The following ECM2 variants were observed in gnomAD, a reference collection of about 807,000 sequenced individuals.
The protein encoded by ECM2 is extracellular matrix protein 2, female organ and adipocyte specific.
In ECM2, 57 loss-of-function variants were observed where a neutral mutation model predicts 67.5. The observed-to-expected ratio is 0.84, with a 90% CI of 0.68 to 1.05. ECM2 has a LOEUF of 1.05. Ranked by LOEUF, ECM2 falls within the 50% of genes least tolerant of loss-of-function variation. ECM2 has a pLI of 0.00. For missense variants in ECM2, 741 were observed against 822.8 expected, an observed-to-expected ratio of 0.90 and a Z score of 1.22; for synonymous variants, 258 against 294.5, an observed-to-expected ratio of 0.88 and a Z score of 1.27.
intron 6 of ECM2, among the ~76,000 whole-genome samples, chr9:92,507,001 G>C (rs959040498): frequency 6.6e-6 from 1 of 152,118 alleles, no homozygotes; most frequent in African/African-American, 2.4e-5. Context: ...TCCGCCTCCC[G>C]GGTTCAAGCA....
intron 1 of ECM2, among the ~76,000 whole-genome samples, chr9:92,532,112 C>A (rs969123209): frequency 6.9e-6 from 1 of 145,792 alleles, no homozygotes; most frequent in African/African-American, 2.6e-5. Context: ...CCACCTGACT[C>A]AACCTTTCGA....
In ECM2 at chr9:92,495,617, AAT is replaced by A; in HGVS notation, c.*696_*697del. On this transcript the variant is annotated 3_prime_UTR_variant, in exon 10 of 10. Transcript: ENST00000344604. ...AATATACTGTTTAACTTTAAAAAATAATTTTAGAATTATAGAAAAGTTTCAAA... is the reference window on the plus strand; with the variant it reads ...AATATACTGTTTAACTTTAAAAAATATTTAGAATTATAGAAAAGTTTCAAA... 1 of 955,038 alleles carries A rather than the reference AAT, an allele frequency of 1.0e-6. No homozygotes were observed. 59.2% of individuals were successfully genotyped at this position (955,038 alleles called of 1,614,324 possible).
At chr9:92,555,757 G>A in the ECM2 span, among the ~76,000 whole-genome samples, 2 of 152,234 alleles carry the variant, frequency 1.3e-5, no homozygotes, top group African/African-American at 4.8e-5. Context: ...GTTTCTTAGT[G>A]AAGTTATTTG....
chr9:92,500,648 A>G (rs1023244674), intron 9 of ECM2, 79 bp downstream of exon 9: 17 of 1,380,498 alleles, frequency 1.2e-5, no homozygotes, highest in Non-Finnish European at 1.2e-5. Flanking sequence ...CGTAAATCCC[A>G]GAGATCATGT....
At chr9:92,507,669 A>C (rs976075082) in intron 6 of ECM2, among the ~76,000 whole-genome samples, 1 of 152,192 alleles carries the variant, frequency 6.6e-6, no homozygotes, top group Non-Finnish European at 1.5e-5. Flanking sequence ...ATGGTCATCC[A>C]CTAGAGCAGC....
chr9:92,513,169 A>G (rs1039419786), intron 4 of ECM2, among the ~76,000 whole-genome samples: 8 of 152,174 alleles, frequency 5.3e-5, no homozygotes, highest in Non-Finnish European at 1.2e-4. Flanking sequence ...TGTCCCCACC[A>G]GCCAGCCTCT....
rs1049670982 is a variant in ECM2 at position 92,496,222 on chromosome 9, A to G, written c.*93T>C. On this transcript the variant is annotated 3_prime_UTR_variant, in exon 10 of 10. Transcript: ENST00000344604. Reference sequence around the variant, plus strand: ...TGACTAGCATATAATGATACTGAGTATAACAGGAGGATTATGTCTCTCTTA... The same window carrying G: ...TGACTAGCATATAATGATACTGAGTGTAACAGGAGGATTATGTCTCTCTTA... 4.7e-6 allele frequency: 7 copies of G among 1,481,932 alleles called. No individual in the cohort carries two copies. The African/African-American group carries it at 7.1e-5, about 15-fold the overall frequency. The allele number at this position is 1,481,932 out of a possible 1,614,324, so 91.8% of individuals were successfully genotyped here.
rs199745267 is a variant in ECM2 at position 92,505,631 on chromosome 9, T to G, written c.1366A>C (p.Asn456His). 2 of 1,609,360 alleles carry G rather than the reference T, an allele frequency of 1.2e-6. No individual in the cohort carries two copies. Among genetic ancestry groups the G allele is most frequent in the Non-Finnish European group, 1.7e-6 (2 of 1,178,706 alleles). The change falls in exon 7 of 10, where the codon AAT becomes CAT. Residue 456 changes from asparagine to histidine, a missense_variant. Physicochemically the swap from Asn to His is moderately conservative, Grantham distance 68. Coordinates refer to ENST00000344604, the MANE Select transcript of ECM2 (RefSeq NM_001393.4). ...TTCAAAGGTTTGAAAGCTAAAGGAT[T>G]GACATTGGCTTCACTGAGATTGTTT... Reference protein sequence around the residue: ...EGNNLSEANVNPLAFKPLKSL... With the variant: ...EGNNLSEANVHPLAFKPLKSL...
chr9:92,502,241 C>A (rs368651072), intron 8 of ECM2, among the ~76,000 whole-genome samples: 1 of 152,150 alleles, frequency 6.6e-6, no homozygotes, highest in Admixed American at 6.5e-5. Context: ...CAGCACTTGG[C>A]ATATGATAGG....
intron 1 of ECM2, among the ~76,000 whole-genome samples, chr9:92,531,490 A>G (rs148880249): frequency 6.6e-6 from 1 of 152,292 alleles, no homozygotes; most frequent in East Asian, 1.9e-4. Flanking sequence ...GTTTATTTAG[A>G]TCAGATTTTT....
intron 4 of ECM2, among the ~76,000 whole-genome samples, chr9:92,513,211 G>A (rs986107012): frequency 6.6e-6 from 1 of 152,280 alleles, no homozygotes; most frequent in Non-Finnish European, 1.5e-5. Context: ...TCCACTCAGA[G>A]CCCTCCCTGG....
At chr9:92,505,444 A>G in intron 7 of ECM2, 89 bp downstream of exon 7, 1 of 1,160,132 alleles carries the variant, frequency 8.6e-7, no homozygotes, top group Non-Finnish European at 1.2e-6. Flanking sequence ...AGTTTAATTT[A>G]CATCACAATA....
At chr9:92,533,210 G>T (rs331374) in intron 1 of ECM2, among the ~76,000 whole-genome samples, 1,946 of 144,010 alleles carry the variant, frequency 0.014, 26 homozygotes, top group Non-Finnish European at 0.021. Flanking sequence ...TGAGGCAGGA[G>T]AATCACTTGA....
At position 92,495,546 on chromosome 9, in the gene ECM2, TC is replaced by T. The variant is rs1290684894; in HGVS notation, c.*768del. 5.1e-6 allele frequency: 5 copies of T among 980,736 alleles called. No homozygotes were observed. Among genetic ancestry groups the T allele is most frequent in the Non-Finnish European group, 6.1e-6 (5 of 825,686 alleles). 60.8% of individuals were successfully genotyped at this position (980,736 alleles called of 1,614,324 possible). A position where few individuals can be genotyped will look rare whatever the true frequency, so the allele number is the denominator to read the frequency against. On this transcript the variant is annotated 3_prime_UTR_variant, in exon 10 of 10. Coordinates refer to ENST00000344604, the MANE Select transcript of ECM2 (RefSeq NM_001393.4). The stretch of plus-strand genomic sequence containing the variant: ...TATTTTAAGCAAACTCTACTGCTTT[TC>T]AAAAAATGTCTTAATCTTGAGTGAG...
At chr9:92,527,262 C>T (rs1236910798) in intron 1 of ECM2, among the ~76,000 whole-genome samples, 1 of 152,182 alleles carries the variant, frequency 6.6e-6, no homozygotes, top group East Asian at 1.9e-4. Flanking sequence ...TCACCCACCT[C>T]AGCCTCACAA....
chr9:92,546,166 C>A, the ECM2 span, among the ~76,000 whole-genome samples: 112 of 152,260 alleles, frequency 7.4e-4, no homozygotes, highest in African/African-American at 2.4e-3. Flanking sequence ...TCTAGCTCAG[C>A]GATTGTAAAC....
At chr9:92,556,230 AT>A in the ECM2 span, among the ~76,000 whole-genome samples, 1 of 152,094 alleles carries the variant, frequency 6.6e-6, no homozygotes, top group Non-Finnish European at 1.5e-5. Context: ...TTCCAGTTTT[AT>A]TCCACTGTGG....
At chr9:92,530,360 G>A (rs1848671225) in intron 1 of ECM2, among the ~76,000 whole-genome samples, 1 of 152,052 alleles carries the variant, frequency 6.6e-6, no homozygotes, top group South Asian at 2.1e-4. Context: ...GCACATATGA[G>A]AACTCTGTAC....
At chr9:92,511,315 CG>C (rs1847325549) in intron 5 of ECM2, among the ~76,000 whole-genome samples, 1 of 151,912 alleles carries the variant, frequency 6.6e-6, no homozygotes, top group Admixed American at 6.6e-5. Context: ...TTAGTAGAGA[CG>C]GGGTTTCACC....
Sources: gnomAD v4.1 joint callset for allele counts (sites outside exome capture counted in the v4.1 genomes callset) on GRCh38, gnomAD v4.1.1 for gene constraint, MANE v1.5 for transcripts, NCBI Gene and HGNC (gene_info 2026-07-23, HGNC 2026-07-21) for gene names.